PTPRD: variants seen among roughly 807,000 people sequenced by gnomAD.
PTPRD encodes the protein protein tyrosine phosphatase receptor type D, also known as receptor-type tyrosine-protein phosphatase delta.
Under a neutral mutation model 214.5 loss-of-function variants are expected in PTPRD, and 34 were observed. That is an observed-to-expected ratio of 0.16 (90% CI 0.12 to 0.21). The LOEUF is 0.21. Among genes scored for constraint, PTPRD ranks in the 10% least tolerant of loss-of-function variants. PTPRD has a pLI of 1.00. For missense variants in PTPRD, 2,545 were observed against 2,398.7 expected (o/e 1.06, Z -1.27); for synonymous variants, 1,128 against 845.7 (o/e 1.33, Z -5.79).
At chr9:9,182,501 T>A (rs911433109) in intron 10 of PTPRD, among the ~76,000 whole-genome samples, 1 of 151,992 alleles carries the variant, frequency 6.6e-6, no homozygotes. Flanking sequence ...TATTACGAGA[T>A]AATAGTCTCT....
intron 39 of PTPRD, among the ~76,000 whole-genome samples, chr9:8,345,513 T>C (rs1856728890): frequency 6.6e-6 from 1 of 152,030 alleles, no homozygotes; most frequent in Non-Finnish European, 1.5e-5. Context: ...AGAAAAGCTT[T>C]CTATCCTTGG....
At chr9:9,947,435 ATT>A (rs1237946782) in intron 4 of PTPRD, among the ~76,000 whole-genome samples, 2 of 31,300 alleles carry the variant, frequency 6.4e-5, no homozygotes, top group Non-Finnish European at 8.6e-5. Context: ...TTATATATAT[ATT>A]ATATATTTTA....
chr9:9,325,303 A>G (rs1203205575), intron 9 of PTPRD, among the ~76,000 whole-genome samples: 2 of 152,090 alleles, frequency 1.3e-5, no homozygotes, highest in East Asian at 3.9e-4. Context: ...TTTTCACGAT[A>G]TTGATTCTTC....
chr9:9,576,162 C>T (rs2088691863), intron 7 of PTPRD, among the ~76,000 whole-genome samples: 1 of 152,108 alleles, frequency 6.6e-6, no homozygotes, highest in Admixed American at 6.6e-5. Flanking sequence ...TAAACTGTTT[C>T]AACTAGTTTC....
At chr9:8,621,220 A>G (rs545614954) in intron 14 of PTPRD, among the ~76,000 whole-genome samples, 1 of 151,870 alleles carries the variant, frequency 6.6e-6, no homozygotes, top group South Asian at 2.1e-4. Context: ...GCACCCGAGT[A>G]TGGCAAGAGT....
chr9:10,047,577 T>G (rs1403593364), intron 3 of PTPRD, among the ~76,000 whole-genome samples: 5 of 152,058 alleles, frequency 3.3e-5, no homozygotes, highest in Non-Finnish European at 7.4e-5. Flanking sequence ...CACATACTTT[T>G]TTGTTCCCAC....
chr9:8,844,378 A>T (rs1601658764), intron 11 of PTPRD, among the ~76,000 whole-genome samples: 2 of 152,196 alleles, frequency 1.3e-5, no homozygotes, highest in East Asian at 3.9e-4. Context: ...GCCTCTTAAT[A>T]TATTTTAAAA....
rs933493558 is a variant in PTPRD at position 9,655,846 on chromosome 9, G to C, written c.-287+78687C>G. 7.9e-5 allele frequency among the ~76,000 whole-genome samples: 12 copies of C among 151,720 alleles called. 1 individual carries two copies. Among genetic ancestry groups the C allele is most frequent in the Admixed American group, 2.0e-4 (3 of 15,230 alleles). On this transcript the variant is annotated intron_variant, in intron 7 of 45. Coordinates refer to ENST00000381196, the MANE Select transcript of PTPRD (RefSeq NM_002839.4). Reference sequence around the variant, plus strand: ...TGCAAAAATTAGCTGGGCGTGGTGGGAGGTGCCTGTAATCCGAGATACTCA... The same window carrying C: ...TGCAAAAATTAGCTGGGCGTGGTGGCAGGTGCCTGTAATCCGAGATACTCA...
At chr9:9,688,860 T>A (rs1293053210) in intron 7 of PTPRD, among the ~76,000 whole-genome samples, 1 of 151,322 alleles carries the variant, frequency 6.6e-6, no homozygotes, top group Non-Finnish European at 1.5e-5. Flanking sequence ...GCTAAGGGGG[T>A]ACTTGTTTTT....
chr9:10,263,676 A>G (rs1032237818), intron 3 of PTPRD, among the ~76,000 whole-genome samples: 1 of 152,184 alleles, frequency 6.6e-6, no homozygotes, highest in East Asian at 1.9e-4. Flanking sequence ...TGACAATGCA[A>G]TAGACAAGCA....
chr9:9,304,099 G>T (rs1956336999), intron 9 of PTPRD, among the ~76,000 whole-genome samples: 1 of 151,912 alleles, frequency 6.6e-6, no homozygotes, highest in Non-Finnish European at 1.5e-5. Flanking sequence ...TTCCAAAATG[G>T]TTATTAATAT....
intron 4 of PTPRD, among the ~76,000 whole-genome samples, chr9:9,958,442 A>T (rs2094121419): frequency 6.6e-6 from 1 of 152,156 alleles, no homozygotes; most frequent in African/African-American, 2.4e-5. Context: ...GAGGCAGGAG[A>T]ATTGCTTGAA....
chr9:8,966,118 G>A (rs1003142749), intron 11 of PTPRD, among the ~76,000 whole-genome samples: 1 of 151,870 alleles, frequency 6.6e-6, no homozygotes, highest in Non-Finnish European at 1.5e-5. Context: ...CTGCTAAAAG[G>A]CATCATAAAT....
intron 3 of PTPRD, among the ~76,000 whole-genome samples, chr9:10,194,317 CATATATAT>C (rs5896377): frequency 1.5e-3 from 117 of 75,742 alleles, no homozygotes; most frequent in Middle Eastern, 9.3e-3. Flanking sequence ...TATAGCTATT[CATATATAT>C]ATATATATAT....
chr9:8,892,241 TCTGGCATA>T (rs1270643827), intron 11 of PTPRD, among the ~76,000 whole-genome samples: 29 of 151,648 alleles, frequency 1.9e-4, no homozygotes, highest in Non-Finnish European at 3.5e-4. Flanking sequence ...CTCCTTGGAT[TCTGGCATA>T]TGACTTCTCT....
chr9:9,197,443 C>T (rs1338383087), intron 9 of PTPRD, among the ~76,000 whole-genome samples: 1 of 152,132 alleles, frequency 6.6e-6, no homozygotes, highest in Non-Finnish European at 1.5e-5. Context: ...TGGAGTCTCA[C>T]TCTGTCGCCC....
chr9:8,393,556 C>T (rs1474248455), intron 36 of PTPRD, among the ~76,000 whole-genome samples: 1 of 152,070 alleles, frequency 6.6e-6, no homozygotes, highest in Non-Finnish European at 1.5e-5. Flanking sequence ...CAGGAACTCT[C>T]TTGGAGTCAG....
At chr9:9,637,306 G>T (rs2154363364) in intron 7 of PTPRD, among the ~76,000 whole-genome samples, 1 of 152,176 alleles carries the variant, frequency 6.6e-6, no homozygotes, top group Non-Finnish European at 1.5e-5. Context: ...ATCAAATATG[G>T]GTGAGATTCG....
intron 11 of PTPRD, among the ~76,000 whole-genome samples, chr9:8,968,482 G>C (rs775009426): frequency 4.6e-5 from 7 of 151,826 alleles, no homozygotes; most frequent in African/African-American, 7.3e-5. Flanking sequence ...TTGTGGTTTT[G>C]ATTTGCATTT....
Sources: gnomAD v4.1 joint callset for allele counts (sites outside exome capture counted in the v4.1 genomes callset) on GRCh38, gnomAD v4.1.1 for gene constraint, MANE v1.5 for transcripts, NCBI Gene and HGNC (gene_info 2026-07-23, HGNC 2026-07-21) for gene names.